Variants in NEGR1 observed in about 807,000 individuals in gnomAD.
The protein encoded by NEGR1 is neuronal growth regulator 1.
Under a neutral mutation model 40.9 loss-of-function variants are expected in NEGR1, and 10 were observed. The observed-to-expected ratio is 0.24, with a 90% CI of 0.15 to 0.42. The LOEUF is 0.42. NEGR1 is among the 10% of genes least tolerant of loss of function. The pLI is 1.00. For missense variants in NEGR1, 352 were observed against 438.9 expected (o/e 0.80, Z 1.77); for synonymous variants, 185 against 166.8 (o/e 1.11, Z -0.84).
Position 71,415,128 on chromosome 1 carries a change from GT to G in NEGR1, c.941-7559del, listed in dbSNP as rs368030747. On this transcript the variant is annotated intron_variant, in intron 6 of 6. Transcript: ENST00000357731. ...TTATATACTTATTCTAACATTTTGG[GT>G]TTTTTTTTTCATTTGATAAAAAAAC... 3.2e-3 allele frequency among the ~76,000 whole-genome samples: 476 copies of G among 146,756 alleles called. 1 individual carries two copies. The highest frequency in any genetic ancestry group is 0.011 in the African/African-American group (450 of 40,110).
chr1:72,086,209 T>A (rs1289921766), intron 1 of NEGR1, among the ~76,000 whole-genome samples: 3 of 152,176 alleles, frequency 2.0e-5, no homozygotes, highest in Non-Finnish European at 4.4e-5. Flanking sequence ...GTGACACTAA[T>A]CATGACTCAT....
chr1:71,636,760 T>C (rs1486844002), intron 4 of NEGR1, among the ~76,000 whole-genome samples: 1 of 152,110 alleles, frequency 6.6e-6, no homozygotes, highest in Non-Finnish European at 1.5e-5. Context: ...AACTGAATGC[T>C]ATTCAATGGA....
At chr1:71,578,676 G>C (rs936556675) in intron 6 of NEGR1, among the ~76,000 whole-genome samples, 3 of 152,074 alleles carry the variant, frequency 2.0e-5, no homozygotes, top group Non-Finnish European at 4.4e-5. Flanking sequence ...TTGAAGGAAA[G>C]GGAGATTAGA....
At chr1:71,758,907 T>C (rs1203245245) in intron 3 of NEGR1, among the ~76,000 whole-genome samples, 7 of 152,176 alleles carry the variant, frequency 4.6e-5, no homozygotes, top group Non-Finnish European at 8.8e-5. Context: ...AACTTAACAT[T>C]TATGGGTGAG....
At chr1:71,702,963 G>T (rs980108469) in intron 3 of NEGR1, among the ~76,000 whole-genome samples, 1 of 152,032 alleles carries the variant, frequency 6.6e-6, no homozygotes, top group African/African-American at 2.4e-5. Context: ...TAGTGGTGCA[G>T]GTTTTAAAGA....
chr1:71,599,087 C>T (rs1006975252), intron 5 of NEGR1, among the ~76,000 whole-genome samples: 3 of 152,046 alleles, frequency 2.0e-5, no homozygotes, highest in Admixed American at 1.3e-4. Context: ...TTAGTTTTTT[C>T]ATCTGTGAAA....
intron 3 of NEGR1, among the ~76,000 whole-genome samples, chr1:71,704,013 T>TA (rs1033366881): frequency 1.3e-5 from 2 of 151,752 alleles, no homozygotes; most frequent in African/African-American, 2.4e-5. Context: ...ACTAAATTGC[T>TA]AAAAACCAGA....
At chr1:71,728,540 C>A (rs534160496) in intron 3 of NEGR1, among the ~76,000 whole-genome samples, 33 of 152,238 alleles carry the variant, frequency 2.2e-4, no homozygotes, top group African/African-American at 7.5e-4. Context: ...ATGTTCTCAA[C>A]ATATTTTTTA....
intron 2 of NEGR1, among the ~76,000 whole-genome samples, chr1:71,787,233 C>T (rs1018557496): frequency 2.6e-5 from 4 of 152,188 alleles, no homozygotes; most frequent in African/African-American, 7.2e-5. Context: ...TCTTATGTGA[C>T]TTCACAACTT....
intron 4 of NEGR1, among the ~76,000 whole-genome samples, chr1:71,613,204 G>T (rs1650323378): frequency 6.6e-6 from 1 of 152,244 alleles, no homozygotes; most frequent in Admixed American, 6.5e-5. Context: ...AAAGTTATCG[G>T]GCTTGTGGTC....
chr1:72,052,701 T>C (rs1465653797), intron 1 of NEGR1, among the ~76,000 whole-genome samples: 1 of 151,550 alleles, frequency 6.6e-6, no homozygotes, highest in Non-Finnish European at 1.5e-5. Context: ...TCTTGCTCTT[T>C]TTACTTGTTT....
chr1:72,166,052 C>A (rs548192848), intron 1 of NEGR1, among the ~76,000 whole-genome samples: 1 of 151,986 alleles, frequency 6.6e-6, no homozygotes, highest in Non-Finnish European at 1.5e-5. Flanking sequence ...GAATTAGAGA[C>A]CGGGCACCTC....
chr1:71,543,952 G>A (rs950915842), intron 6 of NEGR1, among the ~76,000 whole-genome samples: 1 of 151,562 alleles, frequency 6.6e-6, no homozygotes, highest in Non-Finnish European at 1.5e-5. Context: ...CTTATATGAA[G>A]TCAAAACTTT....
intron 1 of NEGR1, among the ~76,000 whole-genome samples, chr1:71,956,378 A>G (rs542277182): frequency 6.6e-6 from 1 of 152,178 alleles, no homozygotes; most frequent in Non-Finnish European, 1.5e-5. Context: ...TTAAAAAATC[A>G]TCAAACCAAG....
Position 71,725,665 on chromosome 1 carries a change from C to T in NEGR1, c.536-27526G>A, listed in dbSNP as rs1055677861. On this transcript the variant is annotated intron_variant, in intron 3 of 6. Transcript: ENST00000357731. ...AACTTATTTCCAGAATGCATCCTCA[C>T]GAAATCTCTGTAGGCTGGGCTTTTG... Among the ~76,000 whole-genome samples, 13 of 152,092 alleles carry T rather than the reference C, an allele frequency of 8.5e-5. No homozygotes were observed. In the East Asian group the frequency reaches 9.6e-4, roughly 11 times the overall value.
At chr1:71,681,340 T>C (rs1235811510) in intron 4 of NEGR1, among the ~76,000 whole-genome samples, 3 of 152,236 alleles carry the variant, frequency 2.0e-5, no homozygotes, top group African/African-American at 7.2e-5. Flanking sequence ...CATCTGTTTT[T>C]TGTCAAAAGA....
chr1:71,720,790 TTCAAGTTTCA>T (rs1432446683), intron 3 of NEGR1, among the ~76,000 whole-genome samples: 1 of 152,216 alleles, frequency 6.6e-6, no homozygotes, highest in Non-Finnish European at 1.5e-5. Flanking sequence ...ACTTCCAAAC[TTCAAGTTTCA>T]TCACAGTTTG....
At chr1:71,474,736 AAAC>A (rs1453924031) in intron 6 of NEGR1, among the ~76,000 whole-genome samples, 163 of 147,988 alleles carry the variant, frequency 1.1e-3, no homozygotes, top group African/African-American at 3.9e-3. Flanking sequence ...AAAAAAAAAA[AAAC>A]AAAAAAACAA....
chr1:71,785,652 G>C (rs560213885), intron 2 of NEGR1, among the ~76,000 whole-genome samples: 1 of 152,258 alleles, frequency 6.6e-6, no homozygotes, highest in South Asian at 2.1e-4. Flanking sequence ...CAAGTGAACT[G>C]TTTTCTTGCC....
Sources: allele counts gnomAD v4.1 joint callset (sites outside exome capture counted in the v4.1 genomes callset), GRCh38; gene constraint gnomAD v4.1.1; transcripts MANE v1.5; gene names NCBI Gene and HGNC (gene_info 2026-07-23, HGNC 2026-07-21).